ZNF704: variants seen among roughly 807,000 people sequenced by gnomAD.
ZNF704 encodes the protein zinc finger protein 704.
In ZNF704, 10 loss-of-function variants were observed where a neutral mutation model predicts 44.7. The observed-to-expected ratio is 0.22, with a 90% CI of 0.14 to 0.38. The LOEUF (loss-of-function observed/expected upper bound fraction) is 0.38, where lower values mean the gene tolerates loss of function less well. ZNF704 is among the 10% of genes least tolerant of loss of function. The pLI is 1.00. For synonymous variants in ZNF704, 211 were observed against 207.6 expected, an observed-to-expected ratio of 1.02 and a Z score of -0.14; for missense variants, 390 against 545.5, an observed-to-expected ratio of 0.71 and a Z score of 2.84.
At chr8:80,647,863 GT>G (rs1466435590) in intron 7 of ZNF704, among the ~76,000 whole-genome samples, 1 of 152,230 alleles carries the variant, frequency 6.6e-6, no homozygotes, top group Non-Finnish European at 1.5e-5. Context: ...CAGGAACAGG[GT>G]TTGAGGGACA....
At chr8:80,641,650 C>T (rs1817746144) in intron 8 of ZNF704, among the ~76,000 whole-genome samples, 173 bp from the exon 9 acceptor site, 1 of 151,664 alleles carries the variant, frequency 6.6e-6, no homozygotes, top group African/African-American at 2.4e-5. Flanking sequence ...GGCGGATCAC[C>T]AGAGGTCAGG....
rs905654418 is a variant in ZNF704, at chr8:80,856,267, A to C, written c.-22+18304T>G. ...AGCCACCGTGCCCGGACCCTGTTCA[A>C]TTCTTGATAAACACTGCAATTACTT... On this transcript the variant is annotated intron_variant, in intron 1 of 8. Coordinates refer to ENST00000327835, the MANE Select transcript of ZNF704 (RefSeq NM_001033723.3). Among the ~76,000 whole-genome samples, 11 of 152,154 alleles carry C rather than the reference A, an allele frequency of 7.2e-5. No individual in the cohort carries two copies. The East Asian group carries it at 1.9e-3, about 27-fold the overall frequency.
At position 80,679,570 on chromosome 8, in the gene ZNF704, T is replaced by C. The variant is rs535213144; in HGVS notation, c.558+7656A>G. 3.3e-5 allele frequency among the ~76,000 whole-genome samples: 5 copies of C among 152,246 alleles called. No individual in the cohort carries two copies. In the South Asian group the frequency reaches 1.0e-3, roughly 32 times the overall value. On this transcript the variant is annotated intron_variant, in intron 4 of 8. Coordinates refer to ENST00000327835, the MANE Select transcript of ZNF704 (RefSeq NM_001033723.3). The stretch of plus-strand genomic sequence containing the variant: ...GTTTGCAAAGCTGGAATGTCCACCA[T>C]CTCATGGATAACAGCTGAAAATTCA...
intron 1 of ZNF704, among the ~76,000 whole-genome samples, chr8:80,858,334 A>C (rs1808997995): frequency 6.6e-6 from 1 of 152,236 alleles, no homozygotes; most frequent in African/African-American, 2.4e-5. Flanking sequence ...CTAAGCACTG[A>C]TGTAAACTTC....
intron 8 of ZNF704, 100 bp downstream of exon 8, chr8:80,642,935 A>C: frequency 1.3e-6 from 1 of 759,174 alleles, no homozygotes; most frequent in Non-Finnish European, 1.9e-6. Flanking sequence ...AATTGTGGAG[A>C]AATTTTATAG....
At chr8:80,644,159 T>C (rs531415224) in intron 7 of ZNF704, among the ~76,000 whole-genome samples, 33 of 152,168 alleles carry the variant, frequency 2.2e-4, no homozygotes, top group Non-Finnish European at 3.8e-4. Context: ...TTTTACAGAT[T>C]AGGAGACTAA....
chr8:80,834,048 G>A (rs1194129489), intron 1 of ZNF704, among the ~76,000 whole-genome samples: 1 of 152,088 alleles, frequency 6.6e-6, no homozygotes, highest in Non-Finnish European at 1.5e-5. Context: ...AATCCTACTA[G>A]CTGGGCACGG....
intron 1 of ZNF704, among the ~76,000 whole-genome samples, chr8:80,830,846 C>A (rs1808460357): frequency 6.6e-6 from 1 of 150,486 alleles, no homozygotes; most frequent in Non-Finnish European, 1.5e-5. Context: ...CACCCTCTGC[C>A]TCCCAGGTTC....
intron 1 of ZNF704, among the ~76,000 whole-genome samples, chr8:80,828,154 TG>T (rs1484171854): frequency 2.0e-5 from 3 of 152,140 alleles, no homozygotes; most frequent in Admixed American, 6.5e-5. Context: ...ACCTACAGAA[TG>T]GGAGAAAATT....
At chr8:80,653,660 A>G (rs1817960232) in intron 7 of ZNF704, among the ~76,000 whole-genome samples, 1 of 152,136 alleles carries the variant, frequency 6.6e-6, no homozygotes, top group Admixed American at 6.5e-5. Flanking sequence ...TTCAAGGAGA[A>G]CTACAAACCA....
chr8:80,741,823 A>T (rs1484411021), intron 2 of ZNF704, among the ~76,000 whole-genome samples: 1 of 152,196 alleles, frequency 6.6e-6, no homozygotes, highest in African/African-American at 2.4e-5. Flanking sequence ...TGAAAAAAGG[A>T]CTTCAAAAAG....
chr8:80,769,274 T>C (rs1807279503), intron 2 of ZNF704, among the ~76,000 whole-genome samples: 1 of 152,196 alleles, frequency 6.6e-6, no homozygotes, highest in Admixed American at 6.5e-5. Context: ...CTTTTTATTT[T>C]GAGATAATTG....
chr8:80,873,344 AG>A (rs1376599115), intron 1 of ZNF704, among the ~76,000 whole-genome samples: 3 of 152,020 alleles, frequency 2.0e-5, no homozygotes, highest in African/African-American at 7.2e-5. Flanking sequence ...GGAGAGACGC[AG>A]GGGCCCAAGG....
rs186296778 is a variant in ZNF704, at chr8:80,869,599, A to G, written c.-22+4972T>C. ...GTTCCCTCCCTAAGGCTTTCCAAGG[A>G]CTTTCCTCCTGTAGTTTTTTCTTTT... On this transcript the variant is annotated intron_variant, in intron 1 of 8. Transcript: ENST00000327835. Among the ~76,000 whole-genome samples the G allele has an allele frequency of 2.4e-3, 368 of 152,252 alleles. 2 individuals are homozygous for G. Among genetic ancestry groups the G allele is most frequent in the African/African-American group, 8.3e-3 (343 of 41,532 alleles).
intron 2 of ZNF704, among the ~76,000 whole-genome samples, chr8:80,762,662 CCCCTCTCAAATCTCACGT>C (rs1486372239): frequency 6.6e-6 from 1 of 152,108 alleles, no homozygotes; most frequent in Non-Finnish European, 1.5e-5. Context: ...TCTGCCCTGG[CCCCTCTCAAATCTCACGT>C]CCCTTATACA....
At chr8:80,770,456 CT>C (rs1807301713) in intron 2 of ZNF704, among the ~76,000 whole-genome samples, 1 of 152,076 alleles carries the variant, frequency 6.6e-6, no homozygotes, top group African/African-American at 2.4e-5. Context: ...TGTTGAACAT[CT>C]TTTTGTGTGC....
At chr8:80,835,672 G>C (rs1246877738) in intron 1 of ZNF704, among the ~76,000 whole-genome samples, 7 of 152,184 alleles carry the variant, frequency 4.6e-5, no homozygotes, top group Non-Finnish European at 1.0e-4. Context: ...GCAGTTTCTT[G>C]CATGACTCAG....
intron 2 of ZNF704, among the ~76,000 whole-genome samples, chr8:80,742,011 C>G (rs373946620): frequency 2.0e-5 from 3 of 152,152 alleles, no homozygotes; most frequent in African/African-American, 7.2e-5. Flanking sequence ...CATGCCCACA[C>G]AGCAATATGG....
At chr8:80,853,868 T>A (rs1808914016) in intron 1 of ZNF704, among the ~76,000 whole-genome samples, 1 of 152,014 alleles carries the variant, frequency 6.6e-6, no homozygotes, top group Non-Finnish European at 1.5e-5. Context: ...GGCCTGGAAG[T>A]CACTGGGAAA....
Sources: gnomAD v4.1 joint callset for allele counts (sites outside exome capture counted in the v4.1 genomes callset) on GRCh38, gnomAD v4.1.1 for gene constraint, MANE v1.5 for transcripts, NCBI Gene and HGNC (gene_info 2026-07-23, HGNC 2026-07-21) for gene names.